Variants in SERPINB12 observed in about 807,000 individuals in gnomAD.
SERPINB12 encodes the protein serpin family B member 12.
In SERPINB12, 57 loss-of-function variants were observed where a neutral mutation model predicts 41.1. The ratio of observed to expected loss-of-function variants is 1.39; its 90% confidence interval spans 1.12 to 1.73. The LOEUF (loss-of-function observed/expected upper bound fraction) is 1.73. Ranked by LOEUF, SERPINB12 falls within the 40% of genes most tolerant of loss-of-function variation. The probability of loss-of-function intolerance (pLI) is 0.00; values close to 1 mark genes in which losing one functional copy is unlikely to be tolerated. For synonymous variants in SERPINB12, 180 were observed against 181.3 expected, an observed-to-expected ratio of 0.99 and a Z score of 0.06; for missense variants, 536 against 501.9, an observed-to-expected ratio of 1.07 and a Z score of -0.65.
intron 2 of SERPINB12, among the ~76,000 whole-genome samples, chr18:63,558,065 G>A (rs891010799): frequency 1.3e-5 from 2 of 152,020 alleles, no homozygotes; most frequent in Non-Finnish European, 2.9e-5. Context: ...TTCAGATTGG[G>A]TATCTATGAA....
At chr18:63,530,478 C>A in the SERPINB12 span, among the ~76,000 whole-genome samples, 1 of 152,166 alleles carries the variant, frequency 6.6e-6, no homozygotes, top group Admixed American at 6.6e-5. Context: ...GAAGAACTTC[C>A]TTCTATTGGA....
the SERPINB12 span, among the ~76,000 whole-genome samples, chr18:63,522,136 A>G: frequency 6.6e-6 from 1 of 152,238 alleles, no homozygotes; most frequent in Non-Finnish European, 1.5e-5. Context: ...TCATTTACAT[A>G]GTGTGACAAG....
chr18:63,566,463 T>C (rs1911100167), intron 7 of SERPINB12, 144 bp from the exon 8 acceptor site: 2 of 736,542 alleles, frequency 2.7e-6, no homozygotes, highest in Non-Finnish European at 4.5e-6. Context: ...AAGTTTTAAA[T>C]GAAATCAGAC....
chr18:63,524,446 T>C, the SERPINB12 span, among the ~76,000 whole-genome samples: 1 of 151,942 alleles, frequency 6.6e-6, no homozygotes, highest in Admixed American at 6.6e-5. Flanking sequence ...CACACCACCA[T>C]GCCCGGCTAA....
rs767000644 is a variant in SERPINB12, at chr18:63,566,948, C to G, written c.1215C>G (p.Leu405=). ...WVEFNANHPF[L]FFIRHNKTQT... ...AGTTTAATGCCAACCACCCTTTTCTCTTTTTCATTAGACACAACAAAACCC... is the reference window on the plus strand; with the variant it reads ...AGTTTAATGCCAACCACCCTTTTCTGTTTTTCATTAGACACAACAAAACCC... Residue 405 remains leucine (L), a synonymous_variant, in exon 8 of 8, where the codon CTC becomes CTG. Coordinates refer to ENST00000382768, the MANE Select transcript of SERPINB12 (RefSeq NM_001307928.2). 3.0e-5 allele frequency: 49 copies of G among 1,613,376 alleles called. 1 individual carries two copies. The highest frequency in any genetic ancestry group is 5.0e-5 in the Admixed American group (3 of 59,894).
the SERPINB12 span, among the ~76,000 whole-genome samples, chr18:63,529,800 T>C: frequency 6.6e-6 from 1 of 152,120 alleles, no homozygotes; most frequent in Non-Finnish European, 1.5e-5. Context: ...ATTTAAAAAC[T>C]GATGTTTTGT....
rs1182392240 is a variant in SERPINB12 at position 63,568,005 on chromosome 18, G to A, written c.*994G>A. Among the ~76,000 whole-genome samples the A allele has an allele frequency of 3.3e-5, 5 of 152,092 alleles. No individual in the cohort carries two copies. The highest frequency in any genetic ancestry group is 6.5e-5 in the Admixed American group (1 of 15,280). On this transcript the variant is annotated 3_prime_UTR_variant, in exon 8 of 8. Coordinates refer to ENST00000382768, the MANE Select transcript of SERPINB12 (RefSeq NM_001307928.2). ...GCCCCTCTCTCTGCCTTCTGGCCAC[G>A]TGGACTTTTGTGTCTTCCGAGAGGT... is the stretch of plus-strand genomic sequence containing the variant.
chr18:63,533,246 G>T, the SERPINB12 span, among the ~76,000 whole-genome samples: 1 of 152,170 alleles, frequency 6.6e-6, no homozygotes, highest in Non-Finnish European at 1.5e-5. Context: ...AAAATATTGG[G>T]ATTACAGGCA....
At chr18:63,559,166 G>A (rs149905088) in intron 3 of SERPINB12, among the ~76,000 whole-genome samples, 446 of 150,826 alleles carry the variant, frequency 3.0e-3, no homozygotes, top group African/African-American at 0.01. Context: ...GTGCAGTGGC[G>A]CAATCTCAGC....
intron 5 of SERPINB12, 30 bp from the exon 6 acceptor site, chr18:63,563,948 C>T (rs375952230): frequency 2.0e-5 from 31 of 1,563,872 alleles, no homozygotes; most frequent in Non-Finnish European, 2.6e-5. Flanking sequence ...ACAATTCATA[C>T]TCAGGATATT....
intron 1 of SERPINB12, among the ~76,000 whole-genome samples, chr18:63,551,403 G>C (rs1458210583): frequency 6.6e-6 from 1 of 151,978 alleles, no homozygotes; most frequent in Non-Finnish European, 1.5e-5. Flanking sequence ...TCAGCTCACT[G>C]CAACCTCTGC....
chr18:63,527,648 AG>A, the SERPINB12 span, among the ~76,000 whole-genome samples: 1 of 152,160 alleles, frequency 6.6e-6, no homozygotes, highest in African/African-American at 2.4e-5. Flanking sequence ...TCTTTGTAGT[AG>A]CTTCCTCAAG....
At chr18:63,561,228 C>A in intron 5 of SERPINB12, 26 bp downstream of exon 5, 1 of 1,391,264 alleles carries the variant, frequency 7.2e-7, no homozygotes, top group Non-Finnish European at 1.0e-6. Flanking sequence ...AGCACGGGAG[C>A]TGGTATTGGT....
the SERPINB12 span, among the ~76,000 whole-genome samples, chr18:63,525,108 A>G: frequency 5.3e-5 from 8 of 152,132 alleles, no homozygotes; most frequent in South Asian, 6.2e-4. Context: ...ATGTATTTTC[A>G]CAGCTATAAT....
At chr18:63,520,543 A>C in the SERPINB12 span, among the ~76,000 whole-genome samples, 1 of 152,114 alleles carries the variant, frequency 6.6e-6, no homozygotes, top group Non-Finnish European at 1.5e-5. Context: ...TGTCCTTGCA[A>C]GGGGGAGACA....
At chr18:63,562,494 T>C (rs1482011760) in intron 5 of SERPINB12, among the ~76,000 whole-genome samples, 3 of 152,330 alleles carry the variant, frequency 2.0e-5, no homozygotes, top group African/African-American at 7.2e-5. Context: ...CTGTCCTTGG[T>C]ACCAGAGTGA....
At chr18:63,545,213 AT>A (rs570308273) in intron 1 of SERPINB12, among the ~76,000 whole-genome samples, 4,332 of 141,066 alleles carry the variant, frequency 0.031, 51 homozygotes, top group Non-Finnish European at 0.038. Context: ...ACATAGAACT[AT>A]TTTTTTTTTT....
intron 7 of SERPINB12, 58 bp downstream of exon 7, chr18:63,565,670 A>C: frequency 6.8e-7 from 1 of 1,460,714 alleles, no homozygotes; most frequent in South Asian, 1.3e-5. Flanking sequence ...TTAGAGAACA[A>C]CACTGTCTAC....
At chr18:63,549,374 A>C (rs1005887602) in intron 1 of SERPINB12, among the ~76,000 whole-genome samples, 1 of 151,240 alleles carries the variant, frequency 6.6e-6, no homozygotes, top group Non-Finnish European at 1.5e-5. Context: ...CTTACTTGGA[A>C]AATATTATAG....
Sources: allele counts gnomAD v4.1 joint callset (sites outside exome capture counted in the v4.1 genomes callset), GRCh38; gene constraint gnomAD v4.1.1; transcripts MANE v1.5; gene names NCBI Gene and HGNC (gene_info 2026-07-23, HGNC 2026-07-21).